The following GCC2 variants were observed in gnomAD, a reference collection of about 807,000 sequenced individuals.
GCC2 encodes GRIP and coiled-coil domain-containing protein 2.
GCC2 carries 120 observed loss-of-function variants against 210.6 expected under a neutral mutation model. The ratio of observed to expected loss-of-function variants is 0.57; its 90% CI spans 0.49 to 0.66. The LOEUF (loss-of-function observed/expected upper bound fraction) is 0.66, where lower values mean the gene tolerates loss of function less well. Among genes scored for constraint, GCC2 ranks in the 30% least tolerant of loss-of-function variants. GCC2 has a pLI of 0.00. For missense variants in GCC2, 1,868 were observed against 1,871.9 expected, an observed-to-expected ratio of 1.00 and a Z score of 0.04; for synonymous variants, 703 against 652.7, an observed-to-expected ratio of 1.08 and a Z score of -1.17.
Position 108,497,072 on chromosome 2 carries a change from C to T in GCC2, c.4745C>T (p.Thr1582Ile), listed in dbSNP as rs1376807294. 1.9e-6 allele frequency: 3 copies of T among 1,612,030 alleles called. No homozygotes were observed. The highest frequency in any genetic ancestry group is 4.5e-5 in the East Asian group (2 of 44,882). ...CACTTAAACGGCCTGCTTCGGGAAACAGAAGCAACCAATGCAATTCTTATG... is the reference window on the plus strand; with the variant it reads ...CACTTAAACGGCCTGCTTCGGGAAATAGAAGCAACCAATGCAATTCTTATG... ...ADHLNGLLRE[T>I]EATNAILMEQ... Residue 1582 changes from threonine (T) to isoleucine (I), a missense_variant, in exon 21 of 23, where the codon ACA becomes ATA. By Grantham distance (89) the Thr-to-Ile change is moderately conservative. Around this residue, in one of 3 missense-constraint regions of GCC2, gnomAD observed 1,847 missense variants for 1,765.2 expected, o/e 1.05. Coordinates refer to ENST00000309863, the MANE Select transcript of GCC2 (RefSeq NM_181453.4).
chr2:108,488,158 C>T (rs1050251488), intron 17 of GCC2, among the ~76,000 whole-genome samples: 4 of 152,126 alleles, frequency 2.6e-5, no homozygotes, highest in African/African-American at 9.7e-5. Context: ...CCACCCGCCT[C>T]AGCCTCTCAG....
At chr2:108,460,329 T>A (rs965976154) in intron 4 of GCC2, among the ~76,000 whole-genome samples, 1 of 152,204 alleles carries the variant, frequency 6.6e-6, no homozygotes, top group African/African-American at 2.4e-5. Context: ...CCTGTATCTT[T>A]TAAGAGGAGA....
intron 9 of GCC2, among the ~76,000 whole-genome samples, chr2:108,478,559 T>C (rs560806927): frequency 1.3e-5 from 2 of 152,324 alleles, no homozygotes; most frequent in Non-Finnish European, 2.9e-5. Flanking sequence ...TTTGTAATTA[T>C]TCAGATGTTT....
In GCC2 at chr2:108,449,300, C is replaced by A. The variant is rs1276856754; in HGVS notation, c.6+20C>A. On this transcript the variant is annotated intron_variant, in intron 1 of 22. Coordinates refer to ENST00000309863, the MANE Select transcript of GCC2 (RefSeq NM_181453.4). ...ATGGAGGTAACTCAGGTCGGGCCCA[C>A]TGCCTCCCATCAAGCCTTCCGCGCC... The A allele has an allele frequency of 6.5e-7, 1 of 1,548,392 alleles. No homozygotes were observed. Among genetic ancestry groups the A allele is most frequent in the Non-Finnish European group, 8.7e-7 (1 of 1,144,698 alleles).
chr2:108,469,124 A>T (rs768670565), intron 5 of GCC2, 40 bp downstream of exon 5: 26 of 1,186,996 alleles, frequency 2.2e-5, no homozygotes, highest in Non-Finnish European at 3.0e-5. Flanking sequence ...TTTTATTAAC[A>T]TATAGTGTAG....
rs571389758 is a variant in GCC2, at chr2:108,509,077, T to G, written c.*1447T>G. ...GAACAGACCTAACTAGTGAATGTAT[T>G]AATGAAAATGCATCTATTTCAGAGC... On this transcript the variant is annotated 3_prime_UTR_variant, in exon 23 of 23. Transcript: ENST00000309863. The G allele has an allele frequency of 7.4e-4, 113 of 152,752 alleles. 1 individual carries two copies. Among genetic ancestry groups the G allele is most frequent in the African/African-American group, 2.4e-3 (101 of 41,574 alleles). The allele number at this position is 152,752 out of a possible 1,614,324, so 9.5% of individuals were successfully genotyped here.
intron 4 of GCC2, among the ~76,000 whole-genome samples, chr2:108,453,073 T>C (rs969361390): frequency 1.6e-4 from 24 of 152,260 alleles, no homozygotes; most frequent in African/African-American, 5.5e-4. Flanking sequence ...AGGACTTAAG[T>C]GATTTTAGGT....
At position 108,490,149 on chromosome 2, in the gene GCC2, T is replaced by C. The variant is rs1375985713; in HGVS notation, c.4229+135T>C. The C allele has an allele frequency of 6.5e-6, 4 of 617,066 alleles. No homozygotes were observed. In the African/African-American group the frequency reaches 7.6e-5, roughly 12 times the overall value. The allele number at this position is 617,066 out of a possible 1,614,324, so 38.2% of individuals were successfully genotyped here. The stretch of plus-strand genomic sequence containing the variant: ...GACATTTCTAAAGGCTTGGAAACTT[T>C]GCTTTATCTACCTTAGAGCTTCGCC... On this transcript the variant is annotated intron_variant, in intron 18 of 22. Transcript: ENST00000309863.
At chr2:108,454,054 A>G (rs1041292727) in intron 4 of GCC2, among the ~76,000 whole-genome samples, 2 of 151,980 alleles carry the variant, frequency 1.3e-5, no homozygotes, top group African/African-American at 4.8e-5. Flanking sequence ...GCAGTGGCAC[A>G]ATCTCGGCTC....
At chr2:108,473,876 G>A (rs575552045) in intron 7 of GCC2, among the ~76,000 whole-genome samples, 21 of 152,130 alleles carry the variant, frequency 1.4e-4, no homozygotes, top group Non-Finnish European at 1.8e-4. Flanking sequence ...AGGAGAGGCC[G>A]AGTGCGGTGG....
In GCC2 at chr2:108,493,392, CAT is replaced by C. The variant is rs570962243; in HGVS notation, c.4447+603_4447+604del. 687 of 972,234 alleles carry C rather than the reference CAT, an allele frequency of 7.1e-4. 9 individuals are homozygous for C. The highest frequency in any genetic ancestry group is 4.2e-4 in the Non-Finnish European group (344 of 815,990). 60.2% of individuals were successfully genotyped at this position (972,234 alleles called of 1,614,324 possible). A position where few individuals can be genotyped will look rare whatever the true frequency, so the allele number is the denominator to read the frequency against. ...CATGAGCCACTGCGCCTGGCCGACA[CAT>C]GTCTTAATTCTAGTATTCACCAGAT... is the stretch of plus-strand genomic sequence containing the variant. On this transcript the variant is annotated intron_variant, in intron 19 of 22. Transcript: ENST00000309863.
chr2:108,495,233 G>A (rs573202473), intron 19 of GCC2, 58 bp from the exon 20 acceptor site: 3 of 1,079,738 alleles, frequency 2.8e-6, no homozygotes, highest in Non-Finnish European at 4.0e-6. Context: ...ATCTCTGTAA[G>A]GCCAAATCAA....
chr2:108,449,613 G>A lies in GCC2; in HGVS notation c.7-20G>A. ...AGGAAAAGAGTTCTTCTGACACCTG[G>A]GTTTGATTTTGTTTTGCAGGATCTT... is the stretch of plus-strand genomic sequence containing the variant. On this transcript the variant is annotated intron_variant, in intron 1 of 22. Transcript: ENST00000309863. The A allele has an allele frequency of 6.2e-7, 1 of 1,610,896 alleles. No homozygotes were observed. The highest frequency in any genetic ancestry group is 1.1e-5 in the South Asian group (1 of 91,002).
In GCC2 at chr2:108,492,535, T is replaced by C. The variant is rs200785200; in HGVS notation, c.4230-38T>C. On this transcript the variant is annotated intron_variant, in intron 18 of 22. Coordinates refer to ENST00000309863, the MANE Select transcript of GCC2 (RefSeq NM_181453.4). ...AGAAAGGCTAAGTCAGCATATAAAG[T>C]TGAAAGATCTTCTGTAACTAAGTTT... 3.1e-5 allele frequency: 43 copies of C among 1,367,718 alleles called. 3 individuals are homozygous for C. The Admixed American group carries it at 6.1e-4, about 19-fold the overall frequency. 84.7% of individuals were successfully genotyped at this position (1,367,718 alleles called of 1,614,324 possible).
In GCC2 at chr2:108,486,540, G is replaced by T; in HGVS notation, c.3822G>T (p.Lys1274Asn). The T allele has an allele frequency of 6.2e-7, 1 of 1,614,112 alleles. No homozygotes were observed. Among genetic ancestry groups the T allele is most frequent in the Non-Finnish European group, 8.5e-7 (1 of 1,179,988 alleles). The part of the protein sequence containing the change: ...KIQLAEITSE[K>N]HKIHEHLKTS... ...AGCTGGCTGAAATAACATCAGAGAA[G>T]CACAAAATCCACGAGCACCTGAAAA... The change falls in exon 16 of 23, where the codon AAG becomes AAT. Residue 1274 changes from lysine (K) to asparagine (N), a missense_variant. Lys to Asn is a moderately conservative substitution (Grantham distance 94). Transcript: ENST00000309863.
intron 4 of GCC2, among the ~76,000 whole-genome samples, chr2:108,455,950 T>C (rs115668914): frequency 0.025 from 3,815 of 152,280 alleles, 67 homozygotes; most frequent in African/African-American, 0.033. Context: ...TTGGATTGTA[T>C]GGTAGCTCTA....
chr2:108,490,734 T>G (rs917024709), intron 18 of GCC2, among the ~76,000 whole-genome samples: 9 of 152,224 alleles, frequency 5.9e-5, no homozygotes, highest in Non-Finnish European at 1.3e-4. Context: ...TCAGGGAAGA[T>G]GTACCAGTTT....
chr2:108,455,190 A>C (rs1680189220), intron 4 of GCC2, among the ~76,000 whole-genome samples: 1 of 152,198 alleles, frequency 6.6e-6, no homozygotes, highest in Non-Finnish European at 1.5e-5. Flanking sequence ...CTGTAATCCC[A>C]GCACTTTGGG....
At chr2:108,469,169 C>T (rs1312013592) in intron 5 of GCC2, 85 bp downstream of exon 5, 3 of 708,784 alleles carry the variant, frequency 4.2e-6, no homozygotes, top group African/African-American at 1.8e-5. Flanking sequence ...TAAAAAGCAT[C>T]TAATCTGATT....
Sources: gnomAD v4.1 joint callset for allele counts (sites outside exome capture counted in the v4.1 genomes callset) on GRCh38, gnomAD v4.1.1 for gene constraint, gnomAD v4.1.1 regional missense constraint, MANE v1.5 for transcripts, NCBI Gene and HGNC (gene_info 2026-07-23, HGNC 2026-07-21) for gene names.